UHRF1: variants seen among roughly 807,000 people sequenced by gnomAD.
The protein encoded by UHRF1 is ubiquitin like with PHD and ring finger domains 1, also known as E3 ubiquitin-protein ligase UHRF1.
Under a neutral mutation model 96.5 loss-of-function variants are expected in UHRF1, and 9 were observed. The ratio of observed to expected loss-of-function variants is 0.09; its 90% CI spans 0.06 to 0.16. The LOEUF is 0.16. Among genes scored for constraint, UHRF1 ranks in the 10% least tolerant of loss-of-function variants. UHRF1 has a pLI of 1.00. For synonymous variants in UHRF1, 455 were observed against 469.9 expected (o/e 0.97, Z 0.41); for missense variants, 626 against 1,131.1 (o/e 0.55, Z 6.40).
chr19:4,935,780 C>T (rs909810865), intron 5 of UHRF1, among the ~76,000 whole-genome samples: 1 of 152,102 alleles, frequency 6.6e-6, no homozygotes, highest in African/African-American at 2.4e-5. Flanking sequence ...CAGCCCTGTC[C>T]ATACTTTTAT....
upstream of UHRF1, among the ~76,000 whole-genome samples, chr19:4,909,032 C>T (rs1304807464): frequency 6.6e-6 from 1 of 152,184 alleles, no homozygotes; most frequent in African/African-American, 2.4e-5. Flanking sequence ...CTGGCAGGCC[C>T]TGACGCCAGG....
At chr19:4,909,376 G>C (rs929231256), upstream of UHRF1, 5 of 609,412 alleles carry the variant, frequency 8.2e-6, no homozygotes, top group South Asian at 5.5e-5. Flanking sequence ...AGGCGGGGGC[G>C]CCCCCCACCC....
intron 15 of UHRF1, among the ~76,000 whole-genome samples, chr19:4,955,068 G>T (rs1285854360): frequency 1.3e-5 from 2 of 150,800 alleles, no homozygotes; most frequent in Non-Finnish European, 3.0e-5. Context: ...CCCCAGCCCC[G>T]GCAACTGCTC....
Position 4,945,985 on chromosome 19 carries a change from GGGT to G in UHRF1, c.1410+23_1410+25del. ...GATGTGGTGAGTGTGTGTGTGGGAG[GGGT>G]GGGGGAGGGTTGCTCTAGTTTTTTG... is the stretch of plus-strand genomic sequence containing the variant. On this transcript the variant is annotated intron_variant, in intron 10 of 16. Transcript: ENST00000650932. The G allele has an allele frequency of 8.4e-7, 1 of 1,185,258 alleles. No individual in the cohort carries two copies. Among genetic ancestry groups the G allele is most frequent in the Non-Finnish European group, 1.2e-6 (1 of 825,482 alleles). 73.4% of individuals were successfully genotyped at this position (1,185,258 alleles called of 1,614,324 possible). A position where few individuals can be genotyped will look rare whatever the true frequency, so the allele number is the denominator to read the frequency against.
chr19:4,953,109 C>T (rs920602702), intron 13 of UHRF1, among the ~76,000 whole-genome samples: 10 of 152,126 alleles, frequency 6.6e-5, no homozygotes, highest in African/African-American at 2.4e-4. Flanking sequence ...ATGCGCTTAC[C>T]CCGACCCTGC....
chr19:4,951,119 A>C, intron 13 of UHRF1, 123 bp downstream of exon 13: 1 of 1,320,430 alleles, frequency 7.6e-7, no homozygotes. Context: ...TACAAAAATT[A>C]GCTGGGTATG....
In UHRF1 at chr19:4,932,941, C is replaced by G. The variant is rs947492319; in HGVS notation, c.770C>G (p.Ala257Gly). The G allele has an allele frequency of 1.9e-5, 30 of 1,612,080 alleles. No homozygotes were observed. Among genetic ancestry groups the G allele is most frequent in the Non-Finnish European group, 2.4e-5 (28 of 1,179,266 alleles). Reference protein sequence around the residue: ...RETRTARELYANVVLGDDSLN... With the variant: ...RETRTARELYGNVVLGDDSLN... The stretch of plus-strand genomic sequence containing the variant: ...ACCAGGACGGCGCGGGAACTCTACG[C>G]CAACGTGGTGCTGGGGTGAGCCTCG... The change falls in exon 5 of 17, where the codon GCC becomes GGC. Residue 257 changes from alanine to glycine, a missense_variant. Coordinates refer to ENST00000650932, the MANE Select transcript of UHRF1 (RefSeq NM_001048201.3).
intron 5 of UHRF1, among the ~76,000 whole-genome samples, chr19:4,937,586 A>C (rs1021866256): frequency 1.3e-5 from 2 of 150,068 alleles, no homozygotes. Flanking sequence ...CTGATCTTGA[A>C]CTCCTGACCT....
At chr19:4,932,618 T>G in intron 4 of UHRF1, 123 bp from the exon 5 acceptor site, 1 of 1,014,052 alleles carries the variant, frequency 9.9e-7, no homozygotes, top group Non-Finnish European at 1.5e-6. Context: ...CACCAGCATA[T>G]AAGCCTGTTG....
intron 7 of UHRF1, among the ~76,000 whole-genome samples, chr19:4,942,477 A>ACTGTG (rs1427248659): frequency 6.7e-6 from 1 of 149,998 alleles, no homozygotes; most frequent in African/African-American, 2.5e-5. Flanking sequence ...GGCGTGAGCC[A>ACTGTG]CCTCGCCCAG....
intron 9 of UHRF1, among the ~76,000 whole-genome samples, 194 bp downstream of exon 9, chr19:4,944,644 G>C (rs2033510317): frequency 6.6e-6 from 1 of 152,202 alleles, no homozygotes; most frequent in Non-Finnish European, 1.5e-5. Flanking sequence ...ATGAATCCTT[G>C]GGGGTGGGGG....
In UHRF1 at chr19:4,941,440, A is replaced by G. The variant is rs762626635; in HGVS notation, c.786-88A>G. The G allele has an allele frequency of 1.3e-4, 128 of 1,001,922 alleles. 1 individual carries two copies. The highest frequency in any genetic ancestry group is 1.7e-4 in the Non-Finnish European group (109 of 656,184). 62.1% of individuals were successfully genotyped at this position (1,001,922 alleles called of 1,614,324 possible). ...GCGTAGCTGAGCTGTTGCCCCAGGC[A>G]TCCCGAGAACCCGTGGTGTTCAAGT... is the stretch of plus-strand genomic sequence containing the variant. On this transcript the variant is annotated intron_variant, in intron 5 of 16. Transcript: ENST00000650932.
chr19:4,941,080 GTTT>G (rs1171655897), intron 5 of UHRF1, among the ~76,000 whole-genome samples: 1 of 112,844 alleles, frequency 8.9e-6, no homozygotes, highest in South Asian at 2.9e-4. Context: ...TGGTTTCTGT[GTTT>G]TGTTTTTTTT....
intron 1 of UHRF1, among the ~76,000 whole-genome samples, chr19:4,904,398 C>A (rs554676892): frequency 6.6e-6 from 1 of 152,254 alleles, no homozygotes; most frequent in South Asian, 2.1e-4. Flanking sequence ...CCAGGATGGT[C>A]TCAATCTCCT....
rs1466750199 is a variant in UHRF1 at position 4,957,305 on chromosome 19, T to G, written c.2235+492T>G. Among the ~76,000 whole-genome samples the G allele has an allele frequency of 2.3e-3, 307 of 134,842 alleles. 3 individuals are homozygous for G. Among genetic ancestry groups the G allele is most frequent in the African/African-American group, 8.2e-3 (290 of 35,420 alleles). The allele number at this position is 134,842 out of a possible 152,430, so 88.5% of individuals were successfully genotyped here. A position where few individuals can be genotyped will look rare whatever the true frequency, so the allele number is the denominator to read the frequency against. ...CAAGATCCCAGCTGATGGTTTTTTT[T>G]TTTTTTTTTTTTTTTTTTTCTGAGA... On this transcript the variant is annotated intron_variant, in intron 16 of 16. Transcript: ENST00000650932.
At chr19:4,932,706 T>C in intron 4 of UHRF1, 35 bp from the exon 5 acceptor site, 1 of 1,608,438 alleles carries the variant, frequency 6.2e-7, no homozygotes, top group Non-Finnish European at 8.5e-7. Context: ...GGCTTGGTCT[T>C]AGCACGGGGT....
At chr19:4,906,502 C>T (rs2032067137), upstream of UHRF1, among the ~76,000 whole-genome samples, 1 of 152,132 alleles carries the variant, frequency 6.6e-6, no homozygotes, top group Admixed American at 6.6e-5. Context: ...GCCTGTAATC[C>T]CAGCACTTTG....
intron 5 of UHRF1, among the ~76,000 whole-genome samples, chr19:4,938,730 G>GCTTTTTTTTTTTTTTTTT (rs1568421924): frequency 1.6e-5 from 1 of 61,566 alleles, no homozygotes; most frequent in Non-Finnish European, 2.9e-5. Flanking sequence ...TTTTGGTCAG[G>GCTTTTTTTTTTTTTTTTT]TTTTTTTTTT....
At chr19:4,909,240 T>C (rs868068246), upstream of UHRF1, 77 of 514,572 alleles carry the variant, frequency 1.5e-4, no homozygotes, top group Middle Eastern at 2.0e-3. Flanking sequence ...CCAAGGCTCC[T>C]GGGGTGTCCA....
Sources: gnomAD v4.1 joint callset for allele counts (sites outside exome capture counted in the v4.1 genomes callset) on GRCh38, gnomAD v4.1.1 for gene constraint, MANE v1.5 for transcripts, NCBI Gene and HGNC (gene_info 2026-07-23, HGNC 2026-07-21) for gene names.